Variants in COL4A5 observed in about 807,000 individuals in gnomAD.
COL4A5 encodes the protein collagen type IV alpha 5 chain.
Under a neutral mutation model 130.2 loss-of-function variants are expected in COL4A5, and 26 were observed. That is an observed-to-expected ratio of 0.20 (90% CI 0.15 to 0.28). The LOEUF (loss-of-function observed/expected upper bound fraction) is 0.28, where lower values mean the gene tolerates loss of function less well. COL4A5 is among the 10% of genes least tolerant of loss of function. The probability of loss-of-function intolerance (pLI) is 1.00; values close to 1 mark genes in which losing one functional copy is unlikely to be tolerated. For synonymous variants in COL4A5, 496 were observed against 439.6 expected (o/e 1.13, Z -1.60); for missense variants, 1,131 against 1,344.3 (o/e 0.84, Z 2.48).
intron 1 of COL4A5, among the ~76,000 whole-genome samples, chrX:108,487,251 G>A (rs938181355): frequency 1.8e-5 from 2 of 110,123 alleles, no homozygotes; most frequent in African/African-American, 6.6e-5. Context: ...TTAGCTGGGC[G>A]TGGTGGTGCA....
At chrX:108,633,939 C>T (rs976582075) in intron 36 of COL4A5, among the ~76,000 whole-genome samples, 1 of 111,648 alleles carries the variant, frequency 9.0e-6, no homozygotes, top group Non-Finnish European at 1.9e-5. Context: ...CGATCCACAA[C>T]AACATTGTTT....
chrX:108,486,832 G>A (rs1353624082), intron 1 of COL4A5, among the ~76,000 whole-genome samples: 1 of 111,865 alleles, frequency 8.9e-6, no homozygotes, highest in Non-Finnish European at 1.9e-5. Flanking sequence ...TTGATTGATG[G>A]GTATTTGGGC....
intron 1 of COL4A5, 117 bp from the exon 2 acceptor site, chrX:108,539,629 T>C (rs1352245028): frequency 8.1e-6 from 5 of 615,026 alleles, no homozygotes; most frequent in Non-Finnish European, 2.7e-6. Context: ...TCTTTTCAGA[T>C]ATTTTTCTGG....
chrX:108,600,741 A>ATTATGGAGGC (rs1321002995), intron 25 of COL4A5, among the ~76,000 whole-genome samples: 1 of 110,674 alleles, frequency 9.0e-6, no homozygotes, highest in Non-Finnish European at 1.9e-5. Flanking sequence ...GGAGGCTGAG[A>ATTATGGAGGC]AATCCCACAG....
chrX:108,692,457 T>G (rs1181010110), intron 49 of COL4A5, among the ~76,000 whole-genome samples: 1 of 111,624 alleles, frequency 9.0e-6, no homozygotes, highest in Non-Finnish European at 1.9e-5. Flanking sequence ...AATGAATTAC[T>G]AAATATCCTC....
chrX:108,586,716 A>G lies in COL4A5; in HGVS notation c.1134A>G (p.Ile378Met). 3 of 1,210,257 alleles carry G rather than the reference A, an allele frequency of 2.5e-6. No individual in the cohort carries two copies. The highest frequency in any genetic ancestry group is 3.5e-5 in the South Asian group (2 of 56,949). The change falls in exon 19 of 53, where the codon ATA (isoleucine) becomes ATG (methionine). Residue 378 changes from isoleucine (I) to methionine (M), a missense_variant. By Grantham distance (10) the Ile-to-Met change is conservative. Transcript: ENST00000328300. ...AAGGAGAGCGAGGATTTCCTGGAAT[A>G]CAGGGTCCACCTGGCCTTCCTGGAC... ...GEKGERGFPG[I>M]QGPPGLPGPP... is the part of the protein sequence containing the mutation.
At chrX:108,492,699 T>G (rs984430332) in intron 1 of COL4A5, among the ~76,000 whole-genome samples, 2 of 111,530 alleles carry the variant, frequency 1.8e-5, no homozygotes, top group African/African-American at 6.5e-5. Flanking sequence ...TAGAGATGGA[T>G]AGCTGTTCCA....
intron 7 of COL4A5, 102 bp from the exon 8 acceptor site, chrX:108,571,709 T>G: frequency 1.6e-6 from 1 of 635,759 alleles, no homozygotes; most frequent in Non-Finnish European, 2.6e-6. Flanking sequence ...GAAATGACGC[T>G]ACAGCAGTCT....
intron 44 of COL4A5, among the ~76,000 whole-genome samples, chrX:108,680,275 A>G (rs773823536): frequency 5.4e-5 from 6 of 111,834 alleles, no homozygotes; most frequent in East Asian, 2.8e-4. Flanking sequence ...CACTTTTACA[A>G]CATCTTTCCA....
At chrX:108,476,210 T>C (rs1235917971) in intron 1 of COL4A5, among the ~76,000 whole-genome samples, 1 of 112,106 alleles carries the variant, frequency 8.9e-6, no homozygotes, top group Non-Finnish European at 1.9e-5. Context: ...TTTATACTCA[T>C]GTATTCTATG....
At chrX:108,601,522 C>T (rs766106386) in intron 26 of COL4A5, 37 bp downstream of exon 26, 6 of 860,850 alleles carry the variant, frequency 7.0e-6, no homozygotes, top group Admixed American at 2.7e-5. Flanking sequence ...ACTTCAACAC[C>T]GATGGCTTTT....
chrX:108,448,466 A>T (rs1297949958), intron 1 of COL4A5, among the ~76,000 whole-genome samples: 2 of 112,193 alleles, frequency 1.8e-5, no homozygotes, highest in African/African-American at 6.5e-5. Context: ...TGTATATGAC[A>T]TTAATTGAGT....
At chrX:108,631,248 A>T (rs994461732) in intron 36 of COL4A5, among the ~76,000 whole-genome samples, 2 of 111,423 alleles carry the variant, frequency 1.8e-5, no homozygotes, top group Admixed American at 9.6e-5. Context: ...CCTTGGGCAG[A>T]ATGGCCATTT....
intron 1 of COL4A5, among the ~76,000 whole-genome samples, chrX:108,494,527 T>C (rs1190715746): frequency 1.8e-5 from 2 of 111,550 alleles, no homozygotes; most frequent in Non-Finnish European, 3.8e-5. Flanking sequence ...TCTTAGTTTG[T>C]ATTCCATCAT....
At chrX:108,634,893 T>C (rs1394458154) in intron 36 of COL4A5, among the ~76,000 whole-genome samples, 1 of 110,772 alleles carries the variant, frequency 9.0e-6, no homozygotes, top group Non-Finnish European at 1.9e-5. Flanking sequence ...AAACAAAGAG[T>C]ACCCATATTA....
intron 1 of COL4A5, among the ~76,000 whole-genome samples, chrX:108,534,803 A>G (rs2065434367): frequency 9.0e-6 from 1 of 110,667 alleles, no homozygotes; most frequent in African/African-American, 3.3e-5. Flanking sequence ...ACCTAGTTTC[A>G]GGTTTTATTT....
intron 37 of COL4A5, among the ~76,000 whole-genome samples, chrX:108,656,272 A>T (rs1328262265): frequency 9.0e-6 from 1 of 111,372 alleles, no homozygotes; most frequent in Middle Eastern, 4.2e-3. Context: ...TGATCCTTGT[A>T]TCTGGCTTTT....
chrX:108,610,360 G>A (rs2066811812), intron 29 of COL4A5, among the ~76,000 whole-genome samples: 1 of 111,225 alleles, frequency 9.0e-6, no homozygotes, highest in Non-Finnish European at 1.9e-5. Context: ...TTTTAACCAG[G>A]CTAGATTGTA....
chrX:108,647,757 T>C (rs1037552349), intron 36 of COL4A5, among the ~76,000 whole-genome samples: 6 of 112,035 alleles, frequency 5.4e-5, no homozygotes, highest in African/African-American at 1.6e-4. Flanking sequence ...ATACATCCCA[T>C]CAATACCTAA....
Sources: allele counts gnomAD v4.1 joint callset (sites outside exome capture counted in the v4.1 genomes callset), GRCh38; gene constraint gnomAD v4.1.1; transcripts MANE v1.5; gene names NCBI Gene and HGNC (gene_info 2026-07-23, HGNC 2026-07-21).